Variants in WNT3 observed in about 807,000 individuals in gnomAD.
WNT3 encodes the protein Wnt family member 3.
Under a neutral mutation model 34.2 loss-of-function variants are expected in WNT3, and 7 were observed. That is an observed-to-expected ratio of 0.20 (90% CI 0.12 to 0.38). WNT3 has a LOEUF of 0.38. WNT3 is among the 10% of genes least tolerant of loss of function. The probability of loss-of-function intolerance (pLI) is 1.00; values close to 1 mark genes in which losing one functional copy is unlikely to be tolerated. For synonymous variants in WNT3, 212 were observed against 211.5 expected (o/e 1.00, Z -0.02); for missense variants, 267 against 499.8 (o/e 0.53, Z 4.44).
intron 1 of WNT3, among the ~76,000 whole-genome samples, chr17:46,776,665 CACTGGAGGGGA>C (rs1027106747): frequency 6.6e-6 from 1 of 152,252 alleles, no homozygotes; most frequent in Middle Eastern, 3.4e-3. Flanking sequence ...GCCCTGCAAT[CACTGGAGGGGA>C]AACTGAGGGA....
chr17:46,814,090 C>T (rs2084309623), intron 1 of WNT3, among the ~76,000 whole-genome samples: 1 of 152,172 alleles, frequency 6.6e-6, no homozygotes, highest in African/African-American at 2.4e-5. Context: ...CCCACCAGGC[C>T]AGGATTAATT....
chr17:46,779,053 T>TCTCA (rs1310974235), intron 1 of WNT3, among the ~76,000 whole-genome samples: 9 of 100,612 alleles, frequency 8.9e-5, no homozygotes, highest in African/African-American at 2.7e-4. Context: ...CCCTACCCCA[T>TCTCA]CACACACACA....
Position 46,769,835 on chromosome 17 carries a change from C to T in WNT3, c.536G>A (p.Arg179Lys). The T allele has an allele frequency of 6.2e-7, 1 of 1,613,342 alleles. No homozygotes were observed. Among genetic ancestry groups the T allele is most frequent in the Non-Finnish European group, 8.5e-7 (1 of 1,179,888 alleles). ...SREFADAREN[R>K]PDARSAMNKH... ...GTTCATGGCCGAGCGCGCGTCCGGC[C>T]TGTTCTCGCGCGCATCCGCGAACTC... The change falls in exon 3 of 5, where the codon AGG becomes AAG. Residue 179 changes from arginine to lysine, a missense_variant. Transcript: ENST00000225512.
rs930900081 is a variant in WNT3 at position 46,768,614 on chromosome 17, G to A, written c.774C>T (p.Thr258=). Residue 258 remains threonine (T), a synonymous_variant, in exon 4 of 5, where the codon ACC becomes ACT. Coordinates refer to ENST00000225512, the MANE Select transcript of WNT3 (RefSeq NM_030753.5). The surrounding 1 kb of genome is among the most constrained non-coding windows in gnomAD (Gnocchi z 5.0). ...KHRESRGWVE[T]LRAKYSLFKP... ...TGAAGAGCGAGTACTTGGCCCGGAG[G>A]GTCTCCACCCAGCCTCGGGACTCAC... The A allele has an allele frequency of 3.1e-6, 5 of 1,614,036 alleles. No individual in the cohort carries two copies. The African/African-American group carries it at 5.3e-5, about 17-fold the overall frequency.
In WNT3 at chr17:46,764,192, TC is replaced by T. The variant is rs2059293924; in HGVS notation, c.*437del. 6.6e-6 allele frequency: 1 copy of T among 152,450 alleles called. No individual in the cohort carries two copies. The highest frequency in any genetic ancestry group is 2.1e-4 in the South Asian group (1 of 4,828). 9.4% of individuals were successfully genotyped at this position (152,450 alleles called of 1,614,324 possible). On this transcript the variant is annotated 3_prime_UTR_variant, in exon 5 of 5. Transcript: ENST00000225512. ...CTTCCTGACTCCCACCCTCCAGGCG[TC>T]TTGGAATGTCACCAGAAGCAGCAGT...
chr17:46,809,147 C>T (rs759021798), intron 1 of WNT3, among the ~76,000 whole-genome samples: 3 of 152,064 alleles, frequency 2.0e-5, no homozygotes, highest in African/African-American at 4.8e-5. Flanking sequence ...GTTACAACTG[C>T]GCAGGTGGAC....
chr17:46,794,373 G>A (rs139837585), intron 1 of WNT3, among the ~76,000 whole-genome samples: 173 of 152,286 alleles, frequency 1.1e-3, no homozygotes, highest in African/African-American at 3.8e-3. Flanking sequence ...AGAAGCCCAG[G>A]CCCTATATGC....
intron 1 of WNT3, among the ~76,000 whole-genome samples, chr17:46,817,068 T>G (rs1217871636): frequency 6.6e-6 from 1 of 152,170 alleles, no homozygotes; most frequent in Non-Finnish European, 1.5e-5. Flanking sequence ...TGGCTGGCTG[T>G]CCTGGGAGCA....
intron 1 of WNT3, among the ~76,000 whole-genome samples, chr17:46,817,941 G>A (rs999820482): frequency 6.6e-6 from 1 of 152,074 alleles, no homozygotes; most frequent in African/African-American, 2.4e-5. Context: ...GGCTCAAGAT[G>A]AATCTAGAGC....
chr17:46,769,968 T>C lies in WNT3; in HGVS notation c.403A>G (p.Thr135Ala), dbSNP rs771441245. Residue 135 changes from threonine (T) to alanine (A), a missense_variant, in exon 3 of 5, where the codon ACC becomes GCC. Thr to Ala is a moderately conservative substitution (Grantham distance 58, BLOSUM62 0). Transcript: ENST00000225512. Reference sequence around the variant, plus strand: ...GAGTCACAGCCGCAAATGGTGGAGGTGCCCTCGGCGCAGGAGCGGGTGACG... The same window carrying C: ...GAGTCACAGCCGCAAATGGTGGAGGCGCCCTCGGCGCAGGAGCGGGTGACG... ...FAVTRSCAEG[T>A]STICGCDSHH... is the part of the protein sequence containing the mutation. The C allele has an allele frequency of 1.2e-6, 2 of 1,612,124 alleles. No individual in the cohort carries two copies. Among genetic ancestry groups the C allele is most frequent in the Non-Finnish European group, 1.7e-6 (2 of 1,179,484 alleles).
chr17:46,778,181 C>T (rs76347593), intron 1 of WNT3, among the ~76,000 whole-genome samples: 4,233 of 152,314 alleles, frequency 0.028, 77 homozygotes, highest in Non-Finnish European at 0.041. Flanking sequence ...TCATTTCTCC[C>T]ATCCTTGCAT....
At chr17:46,808,188 C>T (rs909882851) in intron 1 of WNT3, among the ~76,000 whole-genome samples, 1 of 152,186 alleles carries the variant, frequency 6.6e-6, no homozygotes, top group Non-Finnish European at 1.5e-5. Context: ...TGATCAAGGT[C>T]GCCCCTTACC....
chr17:46,817,034 T>C (rs950568598), intron 1 of WNT3, among the ~76,000 whole-genome samples: 1 of 152,152 alleles, frequency 6.6e-6, no homozygotes, highest in African/African-American at 2.4e-5. Flanking sequence ...AAAGTGTGGG[T>C]TGGGCAGAAG....
chr17:46,798,762 C>T (rs1310209735), intron 1 of WNT3, among the ~76,000 whole-genome samples: 1 of 152,078 alleles, frequency 6.6e-6, no homozygotes, highest in Non-Finnish European at 1.5e-5. Context: ...ATAAAAATCC[C>T]TGATAGGCTG....
chr17:46,811,122 A>AAGGGAAATGCTGATGTCAACTCAG (rs1555688516), intron 1 of WNT3, among the ~76,000 whole-genome samples: 13 of 145,352 alleles, frequency 8.9e-5, no homozygotes, highest in Admixed American at 1.4e-4. Context: ...CAGGCTGCAA[A>AAGGGAAATGCTGATGTCAACTCAG]CAGATAAATC....
intron 4 of WNT3, among the ~76,000 whole-genome samples, chr17:46,767,214 C>T (rs2059321371): frequency 1.3e-5 from 2 of 152,146 alleles, no homozygotes; most frequent in African/African-American, 4.8e-5. Flanking sequence ...ATGCAGGCCA[C>T]CTCTGGGAAG....
chr17:46,816,485 A>ATG (rs2146475755), intron 1 of WNT3, among the ~76,000 whole-genome samples: 1 of 101,362 alleles, frequency 9.9e-6, no homozygotes, highest in Non-Finnish European at 2.3e-5. Flanking sequence ...GCACACACAC[A>ATG]CACACACACA....
intron 1 of WNT3, among the ~76,000 whole-genome samples, chr17:46,806,838 C>G (rs2084204168): frequency 6.6e-6 from 1 of 152,242 alleles, no homozygotes; most frequent in African/African-American, 2.4e-5. Context: ...CCCCTCTGCT[C>G]CTCCTTGGGG....
Position 46,773,741 on chromosome 17 carries a change from C to T in WNT3, c.249G>A (p.Gln83=). Residue 83 remains glutamine, a synonymous_variant, in exon 2 of 5, where the codon CAG becomes CAA. Transcript: ENST00000225512. ...VKLGIQECQH[Q]FRGRRWNCTT... ...TGCAGTTCCAGCGGCGGCCCCGGAA[C>T]TGGTGCTGGCACTCCTGGATGCCCA... 1 of 1,612,658 alleles carries T rather than the reference C, an allele frequency of 6.2e-7. No homozygotes were observed. The highest frequency in any genetic ancestry group is 8.5e-7 in the Non-Finnish European group (1 of 1,179,878).
Sources: allele counts gnomAD v4.1 joint callset (sites outside exome capture counted in the v4.1 genomes callset), GRCh38; gene constraint gnomAD v4.1.1; non-coding constraint Gnocchi (gnomAD v3.1); transcripts MANE v1.5; gene names NCBI Gene and HGNC (gene_info 2026-07-23, HGNC 2026-07-21).